PDE1A: variants seen among roughly 807,000 people sequenced by gnomAD.
PDE1A encodes the protein phosphodiesterase 1A, also known as dual specificity calcium/calmodulin-dependent 3',5'-cyclic nucleotide phosphodiesterase 1A.
PDE1A carries 35 observed loss-of-function variants against 61.7 expected under a neutral mutation model. The ratio of observed to expected loss-of-function variants is 0.57; its 90% CI spans 0.43 to 0.75. PDE1A has a LOEUF of 0.75. Ranked by LOEUF, PDE1A falls within the 30% of genes least tolerant of loss-of-function variation. The pLI is 0.00. For synonymous variants in PDE1A, 232 were observed against 213.2 expected (o/e 1.09, Z -0.77); for missense variants, 597 against 630.6 (o/e 0.95, Z 0.57).
the PDE1A span, among the ~76,000 whole-genome samples, chr2:182,600,893 A>AT: frequency 6.6e-6 from 1 of 152,142 alleles, no homozygotes. Context: ...ACAGGCAGAG[A>AT]TTTTTTAAGT....
At chr2:182,562,237 C>T in the PDE1A span, among the ~76,000 whole-genome samples, 4 of 152,030 alleles carry the variant, frequency 2.6e-5, no homozygotes, top group African/African-American at 9.7e-5. Flanking sequence ...TCATCAATAC[C>T]TAATTTATTG....
chr2:182,151,026 G>C (rs1690748916), intron 13 of PDE1A, among the ~76,000 whole-genome samples: 1 of 152,104 alleles, frequency 6.6e-6, no homozygotes, highest in African/African-American at 2.4e-5. Context: ...ACACCAACTA[G>C]GTGGCAGACA....
chr2:182,404,757 C>T (rs1481136140), intron 1 of PDE1A, among the ~76,000 whole-genome samples: 1 of 152,118 alleles, frequency 6.6e-6, no homozygotes, highest in African/African-American at 2.4e-5. Flanking sequence ...ATCTTGTCCC[C>T]ATGGAAGTTT....
At chr2:182,489,859 T>C (rs1047243289) in intron 2 of PDE1A, among the ~76,000 whole-genome samples, 3 of 152,156 alleles carry the variant, frequency 2.0e-5, no homozygotes, top group African/African-American at 7.2e-5. Flanking sequence ...GTGGCACTAA[T>C]CGGTAGAGCA....
At chr2:182,702,847 T>C in the PDE1A span, among the ~76,000 whole-genome samples, 17 of 152,324 alleles carry the variant, frequency 1.1e-4, no homozygotes, top group African/African-American at 3.8e-4. Flanking sequence ...CAAGTCTTTT[T>C]TGTTAGAAGT....
Position 182,448,423 on chromosome 2 carries a change from T to A in PDE1A, c.101+73853A>T, listed in dbSNP as rs987902362. ...ATTCTTTTAACTTATGTTTCCCTTG[T>A]TGAAGTCTGATTTACACATATCCCG... On this transcript the variant is annotated intron_variant, in intron 2 of 14. Coordinates refer to the PDE1A transcript ENST00000410103. 2.0e-5 allele frequency among the ~76,000 whole-genome samples: 3 copies of A among 152,188 alleles called. No individual in the cohort carries two copies. The East Asian group carries it at 5.8e-4, about 30-fold the overall frequency.
At chr2:182,587,457 G>T in the PDE1A span, among the ~76,000 whole-genome samples, 1 of 152,138 alleles carries the variant, frequency 6.6e-6, no homozygotes, top group African/African-American at 2.4e-5. Flanking sequence ...AAAAGAATGA[G>T]AAATTATCTC....
chr2:182,535,325 C>T, the PDE1A span, among the ~76,000 whole-genome samples: 1 of 128,732 alleles, frequency 7.8e-6, no homozygotes, highest in Non-Finnish European at 1.7e-5. Context: ...CTGTCTAGTA[C>T]AAGACAGAGT....
At chr2:182,541,688 T>C in the PDE1A span, among the ~76,000 whole-genome samples, 1 of 152,318 alleles carries the variant, frequency 6.6e-6, no homozygotes. Context: ...CATGTAACTA[T>C]TTTAAAACCC....
At chr2:182,553,422 G>A in the PDE1A span, among the ~76,000 whole-genome samples, 1 of 152,178 alleles carries the variant, frequency 6.6e-6, no homozygotes, top group African/African-American at 2.4e-5. Context: ...TAGAGACAGG[G>A]TTTCACCATG....
At chr2:182,660,812 C>T in the PDE1A span, among the ~76,000 whole-genome samples, 6 of 152,216 alleles carry the variant, frequency 3.9e-5, no homozygotes, top group Non-Finnish European at 7.3e-5. Context: ...AGAACCACAG[C>T]GAAGCTGGCA....
the PDE1A span, among the ~76,000 whole-genome samples, chr2:182,539,235 T>A: frequency 1.8e-4 from 28 of 152,010 alleles, no homozygotes; most frequent in Non-Finnish European, 2.6e-4. Flanking sequence ...CCAAGTTATC[T>A]GAATCAAACT....
At chr2:182,700,055 T>C in the PDE1A span, among the ~76,000 whole-genome samples, 1 of 152,342 alleles carries the variant, frequency 6.6e-6, no homozygotes, top group African/African-American at 2.4e-5. Flanking sequence ...TCTTTCTCTA[T>C]GAAAATGATT....
chr2:182,578,626 A>G, the PDE1A span, among the ~76,000 whole-genome samples: 2 of 152,242 alleles, frequency 1.3e-5, no homozygotes, highest in Non-Finnish European at 2.9e-5. Flanking sequence ...TGGTTGAATA[A>G]GTACATTTAT....
At chr2:182,341,906 C>T (rs774847851) in intron 1 of PDE1A, among the ~76,000 whole-genome samples, 4 of 152,156 alleles carry the variant, frequency 2.6e-5, no homozygotes, top group South Asian at 2.1e-4. Flanking sequence ...TACAGACACA[C>T]GCCACCACAC....
intron 2 of PDE1A, among the ~76,000 whole-genome samples, chr2:182,243,621 T>G (rs1690728128): frequency 1.3e-5 from 2 of 152,188 alleles, no homozygotes; most frequent in African/African-American, 4.8e-5. Flanking sequence ...ATTGAATTAT[T>G]TTAAGCAGGA....
At chr2:182,658,675 A>G in the PDE1A span, among the ~76,000 whole-genome samples, 1 of 152,266 alleles carries the variant, frequency 6.6e-6, no homozygotes, top group African/African-American at 2.4e-5. Context: ...AGAACATGGT[A>G]GAAGCAGCTC....
intron 2 of PDE1A, among the ~76,000 whole-genome samples, chr2:182,489,782 C>G (rs1037323766): frequency 6.6e-6 from 1 of 150,590 alleles, no homozygotes; most frequent in African/African-American, 2.5e-5. Context: ...AATGTTCAGT[C>G]TGAGCAACAA....
the PDE1A span, among the ~76,000 whole-genome samples, chr2:182,543,943 C>G: frequency 6.6e-6 from 1 of 152,186 alleles, no homozygotes; most frequent in Non-Finnish European, 1.5e-5. Context: ...CTCTTCCTCT[C>G]TGTCTCTCCT....
Sources: allele counts gnomAD v4.1 joint callset (sites outside exome capture counted in the v4.1 genomes callset), GRCh38; gene constraint gnomAD v4.1.1; transcripts MANE v1.5; gene names NCBI Gene and HGNC (gene_info 2026-07-23, HGNC 2026-07-21).